Variants in ERBB4 observed in about 807,000 individuals in gnomAD.
ERBB4 encodes receptor tyrosine-protein kinase erbB-4.
In ERBB4, 42 loss-of-function variants were observed where a neutral mutation model predicts 158.0. The ratio of observed to expected loss-of-function variants is 0.27; its 90% CI spans 0.21 to 0.34. ERBB4 has a LOEUF of 0.34. Among genes scored for constraint, ERBB4 ranks in the 10% least tolerant of loss-of-function variants. The probability of loss-of-function intolerance (pLI) is 1.00; values close to 1 mark genes in which losing one functional copy is unlikely to be tolerated. For missense variants in ERBB4, 1,333 were observed against 1,624.1 expected (o/e 0.82, Z 3.08); for synonymous variants, 583 against 558.7 (o/e 1.04, Z -0.61).
intron 20 of ERBB4, among the ~76,000 whole-genome samples, chr2:211,554,060 G>A (rs2067173348): frequency 6.6e-6 from 1 of 152,176 alleles, no homozygotes; most frequent in African/African-American, 2.4e-5. Context: ...TTAATGATGA[G>A]ACACAACTAC....
intron 1 of ERBB4, among the ~76,000 whole-genome samples, chr2:212,217,214 A>G (rs1303375902): frequency 6.6e-6 from 1 of 151,394 alleles, no homozygotes; most frequent in African/African-American, 2.4e-5. Flanking sequence ...TAAAATGTAC[A>G]AGCCCTATAT....
chr2:211,583,741 A>G (rs1335696389), intron 19 of ERBB4, among the ~76,000 whole-genome samples: 4 of 151,674 alleles, frequency 2.6e-5, no homozygotes, highest in Non-Finnish European at 5.9e-5. Context: ...TAATATAAAC[A>G]ATCCAATTTA....
intron 1 of ERBB4, among the ~76,000 whole-genome samples, chr2:212,443,127 C>G (rs990637354): frequency 3.3e-5 from 5 of 152,226 alleles, no homozygotes; most frequent in African/African-American, 4.8e-5. Context: ...CCACCAGAAG[C>G]AATTTTCTTT....
chr2:211,689,921 C>T (rs76650458), intron 12 of ERBB4, among the ~76,000 whole-genome samples: 3,771 of 151,314 alleles, frequency 0.025, 162 homozygotes, highest in East Asian at 0.18. Flanking sequence ...CGAGTCTCTC[C>T]GTATTGATCA....
At chr2:212,162,363 G>T (rs1439203382) in intron 1 of ERBB4, among the ~76,000 whole-genome samples, 1 of 151,700 alleles carries the variant, frequency 6.6e-6, no homozygotes, top group South Asian at 2.1e-4. Context: ...TCTAGAACAG[G>T]CAAAATTAAT....
At chr2:211,916,408 G>T (rs2079693279) in intron 3 of ERBB4, among the ~76,000 whole-genome samples, 1 of 152,104 alleles carries the variant, frequency 6.6e-6, no homozygotes, top group Non-Finnish European at 1.5e-5. Context: ...TCGAACTCCT[G>T]ACCTCAGGTG....
In ERBB4 at chr2:212,200,591, A is replaced by T. The variant is rs149222293; in HGVS notation, c.83-75688T>A. ...AAGCTTGGAACACTGTATGGCTGAA[A>T]TGTGTTTCACCACGTAAATATAAAA... On this transcript the variant is annotated intron_variant, in intron 1 of 27. Transcript: ENST00000342788. Among the ~76,000 whole-genome samples the T allele has an allele frequency of 2.6e-5, 4 of 152,288 alleles. No homozygotes were observed. In the East Asian group the frequency reaches 7.7e-4, roughly 29 times the overall value.
intron 2 of ERBB4, among the ~76,000 whole-genome samples, chr2:212,080,699 T>G (rs2078417538): frequency 6.6e-6 from 1 of 151,506 alleles, no homozygotes; most frequent in Non-Finnish European, 1.5e-5. Flanking sequence ...AAAAAACCTC[T>G]TTATATTCAA....
chr2:211,554,923 CACAT>C (rs536133446), intron 20 of ERBB4, among the ~76,000 whole-genome samples: 26 of 152,352 alleles, frequency 1.7e-4, no homozygotes, highest in Middle Eastern at 3.4e-3. Context: ...AGAAACACCT[CACAT>C]ACACTATTCA....
intron 2 of ERBB4, among the ~76,000 whole-genome samples, chr2:212,078,666 T>G (rs1241342740): frequency 6.6e-6 from 1 of 151,952 alleles, no homozygotes; most frequent in African/African-American, 2.4e-5. Context: ...AAATTTGGAA[T>G]GTAAAGTTCA....
intron 1 of ERBB4, among the ~76,000 whole-genome samples, chr2:212,291,206 T>G (rs999271866): frequency 5.9e-5 from 9 of 152,104 alleles, no homozygotes; most frequent in African/African-American, 2.2e-4. Context: ...ACACAGCCCA[T>G]GACAAGTTTA....
At chr2:211,935,884 T>C (rs755873829) in intron 3 of ERBB4, among the ~76,000 whole-genome samples, 3 of 152,148 alleles carry the variant, frequency 2.0e-5, no homozygotes, top group Non-Finnish European at 2.9e-5. Flanking sequence ...TAAATACTTA[T>C]TAATTATGGT....
In ERBB4 at chr2:211,839,141, G is replaced by A. The variant is rs527596458; in HGVS notation, c.422-50982C>T. ...ATAAAGAGAGAGAGAGAGGGAGAGAGGGAGAGAGAGAAGGAGGAGGAGGAG... is the reference window on the plus strand; with the variant it reads ...ATAAAGAGAGAGAGAGAGGGAGAGAAGGAGAGAGAGAAGGAGGAGGAGGAG... On this transcript the variant is annotated intron_variant, in intron 3 of 27. Coordinates refer to ENST00000342788, the MANE Select transcript of ERBB4 (RefSeq NM_005235.3). Among the ~76,000 whole-genome samples the A allele has an allele frequency of 2.5e-4, 31 of 123,812 alleles. No homozygotes were observed. The South Asian group carries it at 9.7e-3, about 39-fold the overall frequency. The allele number at this position is 123,812 out of a possible 152,430, so 81.2% of individuals were successfully genotyped here.
chr2:211,518,619 C>A (rs2066103569), intron 20 of ERBB4, among the ~76,000 whole-genome samples: 1 of 151,772 alleles, frequency 6.6e-6, no homozygotes, highest in East Asian at 1.9e-4. Flanking sequence ...ACGCCACTGC[C>A]CTCTAGCCTG....
intron 1 of ERBB4, among the ~76,000 whole-genome samples, chr2:212,244,138 A>G (rs1013447222): frequency 6.6e-6 from 1 of 152,196 alleles, no homozygotes; most frequent in African/African-American, 2.4e-5. Flanking sequence ...AGACTGGTAT[A>G]ATTCATTAAT....
intron 5 of ERBB4, among the ~76,000 whole-genome samples, chr2:211,735,831 T>C (rs2074580606): frequency 6.6e-6 from 1 of 151,906 alleles, no homozygotes; most frequent in Non-Finnish European, 1.5e-5. Flanking sequence ...TTTCTCCTCA[T>C]AGAACACGTT....
intron 3 of ERBB4, among the ~76,000 whole-genome samples, chr2:211,854,736 T>G (rs1010533030): frequency 5.3e-5 from 8 of 152,164 alleles, no homozygotes; most frequent in Non-Finnish European, 1.0e-4. Flanking sequence ...AGCCTACTAC[T>G]GATTGAAATT....
intron 4 of ERBB4, among the ~76,000 whole-genome samples, chr2:211,765,010 G>A (rs1443181792): frequency 6.6e-6 from 1 of 152,162 alleles, no homozygotes; most frequent in Admixed American, 6.5e-5. Context: ...TAAATGAGCG[G>A]TTTAGTCAAT....
chr2:211,626,864 G>T (rs1004676498), intron 17 of ERBB4, among the ~76,000 whole-genome samples: 1 of 151,820 alleles, frequency 6.6e-6, no homozygotes, highest in Non-Finnish European at 1.5e-5. Context: ...GGCGGAGCTT[G>T]CAGTGAGCCG....
Sources: gnomAD v4.1 joint callset for allele counts (sites outside exome capture counted in the v4.1 genomes callset) on GRCh38, gnomAD v4.1.1 for gene constraint, MANE v1.5 for transcripts, NCBI Gene and HGNC (gene_info 2026-07-23, HGNC 2026-07-21) for gene names.